PKN2: variants seen among roughly 807,000 people sequenced by gnomAD.
PKN2 encodes serine/threonine-protein kinase N2.
PKN2 carries 38 observed loss-of-function variants against 119.1 expected under a neutral mutation model. That is an observed-to-expected ratio of 0.32 (90% CI 0.25 to 0.42). The LOEUF (loss-of-function observed/expected upper bound fraction) is 0.42, where lower values mean the gene tolerates loss of function less well. Among genes scored for constraint, PKN2 ranks in the 10% least tolerant of loss-of-function variants. The probability of loss-of-function intolerance (pLI) is 1.00; values close to 1 mark genes in which losing one functional copy is unlikely to be tolerated. For missense variants in PKN2, 850 were observed against 1,165.1 expected, an observed-to-expected ratio of 0.73 and a Z score of 3.94; for synonymous variants, 390 against 384.9, an observed-to-expected ratio of 1.01 and a Z score of -0.15.
intron 15 of PKN2, among the ~76,000 whole-genome samples, chr1:88,811,063 A>C (rs1218836355): frequency 6.6e-6 from 1 of 152,214 alleles, no homozygotes; most frequent in African/African-American, 2.4e-5. Flanking sequence ...TTCTAAAATA[A>C]AGTGTTAGAT....
At chr1:88,709,060 T>C (rs1259257443) in intron 1 of PKN2, among the ~76,000 whole-genome samples, 1 of 146,554 alleles carries the variant, frequency 6.8e-6, no homozygotes, top group African/African-American at 2.5e-5. Context: ...TAATAATCAA[T>C]TTTTTTTTTT....
chr1:88,694,778 T>G (rs58371135), intron 1 of PKN2, among the ~76,000 whole-genome samples: 15,428 of 152,206 alleles, frequency 0.1, 1,511 homozygotes, highest in African/African-American at 0.26. Context: ...TGTTGTCAGT[T>G]TTCTGGATTT....
intron 8 of PKN2, among the ~76,000 whole-genome samples, chr1:88,788,607 G>A (rs1477344631): frequency 6.6e-6 from 1 of 152,000 alleles, no homozygotes; most frequent in Admixed American, 6.6e-5. Flanking sequence ...CACCACGCCT[G>A]TCTAATTTTG....
At chr1:88,695,438 G>GT (rs1256945729) in intron 1 of PKN2, among the ~76,000 whole-genome samples, 2 of 151,768 alleles carry the variant, frequency 1.3e-5, no homozygotes, top group Non-Finnish European at 2.9e-5. Flanking sequence ...TGGTTCTTTT[G>GT]TTTTTTTATC....
intron 9 of PKN2, 149 bp from the exon 10 acceptor site, chr1:88,804,697 T>G: frequency 1.3e-6 from 1 of 749,466 alleles, no homozygotes; most frequent in Non-Finnish European, 2.2e-6. Context: ...ACAAATCAAT[T>G]ATTCTTCCTA....
In PKN2 at chr1:88,735,614, C is replaced by T. The variant is rs1392867639; in HGVS notation, c.49-5374C>T. Among the ~76,000 whole-genome samples the T allele has an allele frequency of 5.9e-3, 452 of 77,016 alleles. 26 individuals are homozygous for T. The highest frequency in any genetic ancestry group is 0.021 in the African/African-American group (433 of 20,476). The allele number at this position is 77,016 out of a possible 152,430, so 50.5% of individuals were successfully genotyped here. A position where few individuals can be genotyped will look rare whatever the true frequency, so the allele number is the denominator to read the frequency against. The stretch of plus-strand genomic sequence containing the variant: ...TGGTTGACAGCCCACCCCCCCCCCC[C>T]CCACCCCCAATCTTTTTTTTTCTTT... On this transcript the variant is annotated intron_variant, in intron 1 of 21. Transcript: ENST00000370521.
At chr1:88,709,369 G>C (rs1023686876) in intron 1 of PKN2, among the ~76,000 whole-genome samples, 4 of 152,022 alleles carry the variant, frequency 2.6e-5, no homozygotes, top group South Asian at 4.1e-4. Context: ...ATATTTAAGA[G>C]TAATCAAATA....
chr1:88,816,760 G>A (rs1279947621), intron 16 of PKN2: 2 of 152,086 alleles, frequency 1.3e-5, no homozygotes, highest in African/African-American at 4.8e-5. Context: ...CAAGCCCCGC[G>A]TTTAAAAATT....
chr1:88,781,687 A>C (rs562128616), intron 6 of PKN2, among the ~76,000 whole-genome samples: 1 of 152,260 alleles, frequency 6.6e-6, no homozygotes, highest in African/African-American at 2.4e-5. Flanking sequence ...GCAGGTGTTG[A>C]GCATTGTCAT....
chr1:88,771,582 A>C lies in PKN2; in HGVS notation c.768+16A>C, dbSNP rs771396966. 38 of 1,563,462 alleles carry C rather than the reference A, an allele frequency of 2.4e-5. No homozygotes were observed. Among genetic ancestry groups the C allele is most frequent in the African/African-American group, 2.8e-5 (2 of 71,582 alleles). On this transcript the variant is annotated intron_variant, in intron 5 of 21. Transcript: ENST00000370521. ...ACTTTCAGAAGTAATTTTAAATAAA[A>C]ATTTTTATTTGGTTTAATAAATACA...
intron 16 of PKN2, among the ~76,000 whole-genome samples, chr1:88,818,788 A>G (rs1033649327): frequency 1.3e-5 from 2 of 152,138 alleles, no homozygotes; most frequent in Non-Finnish European, 2.9e-5. Context: ...ATACTACAAG[A>G]CTGCAGCAAC....
chr1:88,817,897 A>T (rs993027530), intron 16 of PKN2, among the ~76,000 whole-genome samples: 3 of 152,188 alleles, frequency 2.0e-5, no homozygotes, highest in Admixed American at 6.5e-5. Context: ...AGAAAGAAAG[A>T]AAGTTTATTA....
chr1:88,694,892 A>G (rs965896298), intron 1 of PKN2, among the ~76,000 whole-genome samples: 7 of 152,164 alleles, frequency 4.6e-5, no homozygotes, highest in African/African-American at 9.7e-5. Context: ...GTTTAAAAAC[A>G]TTTTGAAGGC....
At position 88,684,574 on chromosome 1, in the gene PKN2, G is replaced by C. The variant is rs1256232116; in HGVS notation, c.-7G>C. On this transcript the variant is annotated 5_prime_UTR_variant, in exon 1 of 22. Coordinates refer to ENST00000370521, the MANE Select transcript of PKN2 (RefSeq NM_006256.4). ...GCGTCCAGGTGCGGAGTCCATACCGGAGCGCAATGGCGTCCAACCCCGAAC... is the reference window on the plus strand; with the variant it reads ...GCGTCCAGGTGCGGAGTCCATACCGCAGCGCAATGGCGTCCAACCCCGAAC... 10 of 1,551,206 alleles carry C rather than the reference G, an allele frequency of 6.4e-6. No homozygotes were observed. The highest frequency in any genetic ancestry group is 8.7e-6 in the Non-Finnish European group (10 of 1,148,742).
At position 88,771,453 on chromosome 1, in the gene PKN2, A is replaced by C. The variant is rs751331530; in HGVS notation, c.655A>C (p.Met219Leu). 1.9e-6 allele frequency: 3 copies of C among 1,605,694 alleles called. No individual in the cohort carries two copies. The South Asian group carries it at 3.4e-5, about 18-fold the overall frequency. ...TGTGATAAGTCCTCTTGAACTTCGG[A>C]TGGAAGAATTAAGGCATCATTTTAG... Reference protein sequence around the residue: ...KPVISPLELRMEELRHHFRIE... With the variant: ...KPVISPLELRLEELRHHFRIE... Residue 219 changes from methionine (M) to leucine (L), a missense_variant, in exon 5 of 22, where the codon ATG (methionine) becomes CTG (leucine). This residue lies in a region of PKN2 where 350 missense variants were observed against 511.1 expected (regional missense o/e 0.68). Transcript: ENST00000370521.
chr1:88,688,093 T>A (rs946093029), intron 1 of PKN2, among the ~76,000 whole-genome samples: 6 of 152,034 alleles, frequency 3.9e-5, no homozygotes, highest in Non-Finnish European at 7.4e-5. Context: ...CTATTCTTTT[T>A]TTTTTTTCTG....
In PKN2 at chr1:88,835,621, A is replaced by G. The variant is rs975283536; in HGVS notation, c.*2173A>G. 2 of 152,346 alleles carry G rather than the reference A, an allele frequency of 1.3e-5. No individual in the cohort carries two copies. Among genetic ancestry groups the G allele is most frequent in the Non-Finnish European group, 2.9e-5 (2 of 67,916 alleles). 9.4% of individuals were successfully genotyped at this position (152,346 alleles called of 1,614,324 possible). A position where few individuals can be genotyped will look rare whatever the true frequency, so the allele number is the denominator to read the frequency against. On this transcript the variant is annotated 3_prime_UTR_variant, in exon 22 of 22. Coordinates refer to ENST00000370521, the MANE Select transcript of PKN2 (RefSeq NM_006256.4). ...TTATAGAGTGTAAATATATTTTGCT[A>G]TTACTGTATGTGTATGTGACTGCTC... is the stretch of plus-strand genomic sequence containing the variant.
intron 1 of PKN2, among the ~76,000 whole-genome samples, chr1:88,724,264 A>C (rs533826538): frequency 6.6e-6 from 1 of 152,314 alleles, no homozygotes; most frequent in South Asian, 2.1e-4. Context: ...GTTTCTTATA[A>C]TTAAATAGTT....
intron 6 of PKN2, among the ~76,000 whole-genome samples, chr1:88,777,953 C>G (rs537005825): frequency 6.6e-6 from 1 of 152,146 alleles, no homozygotes; most frequent in East Asian, 1.9e-4. Context: ...TCTCCACAAC[C>G]CCTTATCTTA....
Sources: gnomAD v4.1 joint callset for allele counts (sites outside exome capture counted in the v4.1 genomes callset) on GRCh38, gnomAD v4.1.1 for gene constraint, gnomAD v4.1.1 regional missense constraint, MANE v1.5 for transcripts, NCBI Gene and HGNC (gene_info 2026-07-23, HGNC 2026-07-21) for gene names.